The following SYNE1 variants were observed in gnomAD, a reference collection of about 807,000 sequenced individuals.
The protein encoded by SYNE1 is spectrin repeat containing nuclear envelope protein 1, also known as nesprin-1.
Under a neutral mutation model 1,111.0 loss-of-function variants are expected in SYNE1, and 616 were observed. The observed-to-expected ratio is 0.55, with a 90% CI of 0.52 to 0.59. SYNE1 has a LOEUF of 0.59. SYNE1 is among the 20% of genes least tolerant of loss of function. The pLI is 0.00. For synonymous variants in SYNE1, 3,855 were observed against 3,825.8 expected (o/e 1.01, Z -0.28); for missense variants, 10,006 against 10,417.0 (o/e 0.96, Z 1.72).
chr6:152,213,071 T>C (rs1045339249), intron 123 of SYNE1, among the ~76,000 whole-genome samples: 1 of 152,214 alleles, frequency 6.6e-6, no homozygotes, highest in Non-Finnish European at 1.5e-5. Context: ...TTTATTAATT[T>C]ACTTTGTGTA....
intron 75 of SYNE1, among the ~76,000 whole-genome samples, 199 bp from the exon 76 acceptor site, chr6:152,337,216 T>C (rs1167094701): frequency 6.6e-6 from 1 of 152,134 alleles, no homozygotes; most frequent in Non-Finnish European, 1.5e-5. Flanking sequence ...TTTAAAAAAA[T>C]GTAGGGTTCC....
At chr6:152,269,318 C>T in intron 98 of SYNE1, 32 bp from the exon 99 acceptor site, 3 of 1,613,592 alleles carry the variant, frequency 1.9e-6, no homozygotes, top group Non-Finnish European at 2.5e-6. Context: ...TCAAGTCATG[C>T]TACACACCGG....
intron 29 of SYNE1, 99 bp downstream of exon 29, chr6:152,447,359 T>C: frequency 5.2e-6 from 7 of 1,346,864 alleles, no homozygotes; most frequent in Non-Finnish European, 7.2e-6. Context: ...AACTATGGTT[T>C]CTTTATAAAA....
At chr6:152,201,115 T>C (rs1393644939) in intron 127 of SYNE1, among the ~76,000 whole-genome samples, 1 of 152,192 alleles carries the variant, frequency 6.6e-6, no homozygotes, top group African/African-American at 2.4e-5. Context: ...AGAAAAACAT[T>C]TTTAAAGGTA....
intron 8 of SYNE1, among the ~76,000 whole-genome samples, chr6:152,509,767 AT>A (rs1245273599): frequency 6.6e-6 from 1 of 151,956 alleles, no homozygotes; most frequent in African/African-American, 2.4e-5. Context: ...TAAAAAAAAA[AT>A]GTTTTTGGAA....
intron 121 of SYNE1, among the ~76,000 whole-genome samples, chr6:152,216,880 A>AC (rs542915398): frequency 1.1e-4 from 17 of 150,196 alleles, no homozygotes; most frequent in South Asian, 4.3e-4. Flanking sequence ...ATAGTGAACC[A>AC]CCCCCCTCTC....
At chr6:152,605,755 A>T (rs2099613080) in intron 3 of SYNE1, among the ~76,000 whole-genome samples, 1 of 152,210 alleles carries the variant, frequency 6.6e-6, no homozygotes, top group South Asian at 2.1e-4. Flanking sequence ...TTACTTTTCT[A>T]AATGCACATC....
chr6:152,286,667 T>G (rs560017645), intron 95 of SYNE1, among the ~76,000 whole-genome samples: 2 of 152,222 alleles, frequency 1.3e-5, no homozygotes, highest in South Asian at 4.1e-4. Context: ...TTCTTATTGA[T>G]GTATGGAGTT....
At chr6:152,443,486 G>A (rs762533980) in intron 30 of SYNE1, among the ~76,000 whole-genome samples, 20 of 152,220 alleles carry the variant, frequency 1.3e-4, no homozygotes, top group East Asian at 3.9e-4. Flanking sequence ...GGATGGTCTC[G>A]ATCTGCTGAC....
rs760506179 is a variant in SYNE1 at position 152,416,636 on chromosome 6, T to C, written c.5801A>G (p.Gln1934Arg). 6.2e-7 allele frequency: 1 copy of C among 1,614,210 alleles called. No individual in the cohort carries two copies. The highest frequency in any genetic ancestry group is 1.1e-5 in the South Asian group (1 of 91,088). ...VSLDGILSKAQYHLKIGSSEQ... is the reference protein window; with the variant it reads ...VSLDGILSKARYHLKIGSSEQ... Reference sequence around the variant, plus strand: ...AGAGCTCCCGATTTTCAGATGGTATTGGGCTTTGGAAAGAATGCCATCCAG... The same window carrying C: ...AGAGCTCCCGATTTTCAGATGGTATCGGGCTTTGGAAAGAATGCCATCCAG... The change falls in exon 41 of 146, where the codon CAA becomes CGA. Residue 1934 changes from glutamine (Q) to arginine (R), a missense_variant. Gln to Arg is a conservative substitution (Grantham distance 43). This residue lies in a region of SYNE1 where 4,955 missense variants were observed against 5,017.2 expected (regional missense o/e 0.99). Coordinates refer to ENST00000367255, the MANE Select transcript of SYNE1 (RefSeq NM_182961.4).
intron 20 of SYNE1, chr6:152,462,500 T>G (rs898662512): frequency 1.7e-6 from 1 of 595,064 alleles, no homozygotes; most frequent in Non-Finnish European, 2.9e-6. Flanking sequence ...TTTAACTTGG[T>G]TGTAGAAAAA....
At chr6:152,165,072 GC>G (rs71017524) in intron 130 of SYNE1, among the ~76,000 whole-genome samples, 6 of 149,050 alleles carry the variant, frequency 4.0e-5, no homozygotes, top group African/African-American at 1.2e-4. Context: ...AGATATTCGC[GC>G]CCCCTCCCCC....
intron 3 of SYNE1, among the ~76,000 whole-genome samples, chr6:152,626,061 AG>A (rs2099685085): frequency 6.6e-6 from 1 of 152,180 alleles, no homozygotes; most frequent in Admixed American, 6.5e-5. Context: ...TCCATGCCAC[AG>A]ATTTCTCAAG....
At chr6:152,544,998 C>T (rs79586559) in intron 3 of SYNE1, among the ~76,000 whole-genome samples, 1 of 152,020 alleles carries the variant, frequency 6.6e-6, no homozygotes, top group Non-Finnish European at 1.5e-5. Context: ...ATGACCACTG[C>T]CTTTTAAATA....
In SYNE1 at chr6:152,449,560, G is replaced by C; in HGVS notation, c.3477C>G (p.Asn1159Lys). The C allele has an allele frequency of 6.2e-7, 1 of 1,614,040 alleles. No individual in the cohort carries two copies. The highest frequency in any genetic ancestry group is 1.3e-5 in the African/African-American group (1 of 75,024). ...GIKGEAIDTANHGEVKRAVEE... is the reference protein window; with the variant it reads ...GIKGEAIDTAKHGEVKRAVEE... ...CAACGGCACGTTTAACCTCTCCGTG[G>C]TTGGCAGTATCGATGGCCTCACCCT... Residue 1159 changes from asparagine (N) to lysine (K), a missense_variant, in exon 28 of 146, where the codon AAC (asparagine) becomes AAG (lysine). This residue lies in a region of SYNE1 where 1,971 missense variants were observed against 2,084.1 expected (regional missense o/e 0.95). Coordinates refer to ENST00000367255, the MANE Select transcript of SYNE1 (RefSeq NM_182961.4).
intron 115 of SYNE1, among the ~76,000 whole-genome samples, chr6:152,230,031 A>G (rs2082409590): frequency 9.8e-6 from 1 of 102,244 alleles, no homozygotes; most frequent in Admixed American, 1.2e-4. Context: ...GAAATAATTT[A>G]GGCAATTTTT....
intron 3 of SYNE1, among the ~76,000 whole-genome samples, chr6:152,562,019 T>G (rs768308736): frequency 6.6e-6 from 1 of 152,100 alleles, no homozygotes; most frequent in Non-Finnish European, 1.5e-5. Context: ...TTTCTGGATA[T>G]GACCTTATAA....
Position 152,310,728 on chromosome 6 carries a change from AT to A in SYNE1, c.16855del (p.Met5619Ter), listed in dbSNP as rs1340247034. ...GAGGTTCTGCAAACGAATTTTGATCATCTGTCGCAACTCCTCAGTCTCCCGT... is the reference window on the plus strand; with the variant it reads ...GAGGTTCTGCAAACGAATTTTGATCACTGTCGCAACTCCTCAGTCTCCCGT... ...LGRETEELRQ[M>X]IKIRLQNLQD... On this transcript the variant is annotated frameshift_variant, in exon 88 of 146. Coordinates refer to ENST00000367255, the MANE Select transcript of SYNE1 (RefSeq NM_182961.4). LOFTEE classifies it high-confidence loss of function. 1 of 1,613,412 alleles carries A rather than the reference AT, an allele frequency of 6.2e-7. No individual in the cohort carries two copies. The highest frequency in any genetic ancestry group is 8.5e-7 in the Non-Finnish European group (1 of 1,179,946).
chr6:152,343,400 C>T (rs538263270), intron 74 of SYNE1, among the ~76,000 whole-genome samples: 2 of 150,266 alleles, frequency 1.3e-5, no homozygotes, highest in South Asian at 2.1e-4. Flanking sequence ...ACTGTGTGGT[C>T]GGCCCGCCTT....
Sources: allele counts gnomAD v4.1 joint callset (sites outside exome capture counted in the v4.1 genomes callset), GRCh38; gene constraint gnomAD v4.1.1; regional missense constraint gnomAD v4.1.1; transcripts MANE v1.5; gene names NCBI Gene and HGNC (gene_info 2026-07-23, HGNC 2026-07-21).